The following GRID2 variants were observed in gnomAD, a reference collection of about 807,000 sequenced individuals.
GRID2 encodes the protein glutamate receptor ionotropic, delta-2.
In GRID2, 33 loss-of-function variants were observed where a neutral mutation model predicts 114.8. That is an observed-to-expected ratio of 0.29 (90% confidence interval 0.22 to 0.38). The LOEUF (loss-of-function observed/expected upper bound fraction) is 0.38, where lower values mean the gene tolerates loss of function less well. Ranked by LOEUF, GRID2 falls within the 10% of genes least tolerant of loss-of-function variation. GRID2 has a pLI of 1.00. For missense variants in GRID2, 1,184 were observed against 1,257.7 expected (o/e 0.94, Z 0.89); for synonymous variants, 505 against 449.9 (o/e 1.12, Z -1.55).
At chr4:92,934,055 A>C (rs1188003106) in intron 2 of GRID2, among the ~76,000 whole-genome samples, 1 of 151,796 alleles carries the variant, frequency 6.6e-6, no homozygotes, top group Non-Finnish European at 1.5e-5. Flanking sequence ...CTAAAGAATG[A>C]GTAGATTGTA....
chr4:93,057,895 C>G (rs1489569129), intron 2 of GRID2, among the ~76,000 whole-genome samples: 2 of 151,844 alleles, frequency 1.3e-5, no homozygotes, highest in African/African-American at 4.8e-5. Context: ...TGAGTGTGTT[C>G]AAAGATGATT....
intron 14 of GRID2, among the ~76,000 whole-genome samples, chr4:93,707,049 A>G (rs542317941): frequency 3.3e-5 from 5 of 152,220 alleles, no homozygotes; most frequent in Admixed American, 6.5e-5. Context: ...TCGCCGGAAT[A>G]TATCCCACTT....
intron 1 of GRID2, among the ~76,000 whole-genome samples, chr4:92,363,819 CT>C (rs11342142): frequency 0.079 from 9,833 of 124,012 alleles, 282 homozygotes; most frequent in Middle Eastern, 0.14. Flanking sequence ...ATTAAGTTTA[CT>C]TTTTTTTTTT....
At chr4:92,670,063 T>G (rs1238876864) in intron 2 of GRID2, among the ~76,000 whole-genome samples, 1 of 152,062 alleles carries the variant, frequency 6.6e-6, no homozygotes, top group Admixed American at 6.6e-5. Flanking sequence ...TCATTCTCGC[T>G]ACTGTAAAAT....
chr4:93,692,150 T>G (rs76632623), intron 14 of GRID2, among the ~76,000 whole-genome samples: 6,236 of 152,030 alleles, frequency 0.041, 195 homozygotes, highest in African/African-American at 0.081. Flanking sequence ...ATAGCACATA[T>G]TAAAAAGTGA....
chr4:93,662,022 A>T (rs1435681554), intron 14 of GRID2, among the ~76,000 whole-genome samples: 1 of 151,602 alleles, frequency 6.6e-6, no homozygotes, highest in Non-Finnish European at 1.5e-5. Context: ...ATTCCCCCCA[A>T]CCCTTGCTCA....
intron 13 of GRID2, among the ~76,000 whole-genome samples, chr4:93,531,031 G>C (rs1019492692): frequency 6.6e-6 from 1 of 152,050 alleles, no homozygotes. Context: ...AGTCTTGTCT[G>C]GTATGTTTAT....
chr4:92,345,084 T>C (rs1345139674), intron 1 of GRID2, among the ~76,000 whole-genome samples: 4 of 152,226 alleles, frequency 2.6e-5, no homozygotes, highest in Admixed American at 2.0e-4. Flanking sequence ...ATTATTCTTA[T>C]ACATTTACAA....
In GRID2 at chr4:93,772,598, AG is replaced by A; in HGVS notation, c.*101del. ...AACATGGATGTAACGTTTAAAAAAA[AG>A]ATCAGGATTATTAGTAACAATTCTA... On this transcript the variant is annotated 3_prime_UTR_variant, in exon 16 of 16. Coordinates refer to ENST00000282020, the MANE Select transcript of GRID2 (RefSeq NM_001510.4). 1 of 833,654 alleles carries A rather than the reference AG, an allele frequency of 1.2e-6. No individual in the cohort carries two copies. Among genetic ancestry groups the A allele is most frequent in the Admixed American group, 2.6e-5 (1 of 38,808 alleles). The allele number at this position is 833,654 out of a possible 1,614,324, so 51.6% of individuals were successfully genotyped here.
At position 92,798,211 on chromosome 4, in the gene GRID2, G is replaced by A. The variant is rs1319746423; in HGVS notation, c.244+207925G>A. 5.3e-5 allele frequency among the ~76,000 whole-genome samples: 8 copies of A among 152,072 alleles called. No individual in the cohort carries two copies. In the East Asian group the frequency reaches 1.6e-3, roughly 30 times the overall value. On this transcript the variant is annotated intron_variant, in intron 2 of 15. Coordinates refer to ENST00000282020, the MANE Select transcript of GRID2 (RefSeq NM_001510.4). ...ATTTCAGACACGTTAACATGTATAT[G>A]TGAAAATAAGTCATATTTTGTAAGA...
intron 2 of GRID2, among the ~76,000 whole-genome samples, chr4:92,687,741 A>G (rs990201407): frequency 1.3e-5 from 2 of 152,002 alleles, no homozygotes; most frequent in Admixed American, 1.3e-4. Flanking sequence ...AGGCAGAAGA[A>G]TCACTTGAAC....
intron 2 of GRID2, among the ~76,000 whole-genome samples, chr4:92,854,289 A>C (rs1744026993): frequency 6.6e-6 from 1 of 152,062 alleles, no homozygotes; most frequent in African/African-American, 2.4e-5. Context: ...ATTTAATCCA[A>C]TAGAAGACTT....
Position 92,867,424 on chromosome 4 carries a change from T to C in GRID2, c.245-217571T>C, listed in dbSNP as rs540746789. Among the ~76,000 whole-genome samples, 11 of 151,946 alleles carry C rather than the reference T, an allele frequency of 7.2e-5. No homozygotes were observed. The East Asian group carries it at 1.6e-3, about 22-fold the overall frequency. On this transcript the variant is annotated intron_variant, in intron 2 of 15. Transcript: ENST00000282020. ...GCTCTGCTGCCACATCTAATGGCGA[T>C]ACCACAATTCTAATCAGAGAAGACA...
intron 2 of GRID2, among the ~76,000 whole-genome samples, chr4:92,750,225 C>G (rs376489098): frequency 6.6e-6 from 1 of 152,110 alleles, no homozygotes. Context: ...TCACCACTTC[C>G]CCTTGGGAAC....
At chr4:93,627,959 A>T (rs561523758) in intron 14 of GRID2, among the ~76,000 whole-genome samples, 58 of 152,300 alleles carry the variant, frequency 3.8e-4, no homozygotes, top group Admixed American at 5.9e-4. Context: ...GGATCACTTG[A>T]GGCCAGGAGT....
intron 11 of GRID2, among the ~76,000 whole-genome samples, chr4:93,469,327 A>G (rs995361696): frequency 2.6e-5 from 4 of 152,086 alleles, no homozygotes; most frequent in African/African-American, 9.6e-5. Context: ...ATACATATAT[A>G]TGGTAAAAAA....
intron 13 of GRID2, among the ~76,000 whole-genome samples, chr4:93,613,637 C>G (rs1220295421): frequency 1.8e-4 from 23 of 125,654 alleles, no homozygotes; most frequent in African/African-American, 6.3e-4. Context: ...GGTCAGGGGT[C>G]AGGGACCCAC....
intron 3 of GRID2, among the ~76,000 whole-genome samples, chr4:93,105,197 C>A (rs1469889882): frequency 6.6e-6 from 1 of 151,952 alleles, no homozygotes; most frequent in Non-Finnish European, 1.5e-5. Flanking sequence ...ATTGTAGATT[C>A]TGCATATTAG....
chr4:92,901,593 G>A (rs180748146), intron 2 of GRID2, among the ~76,000 whole-genome samples: 1 of 152,008 alleles, frequency 6.6e-6, no homozygotes, highest in African/African-American at 2.4e-5. Flanking sequence ...TTTTTCCTAG[G>A]TTTTCTTCTA....
Sources: gnomAD v4.1 joint callset for allele counts (sites outside exome capture counted in the v4.1 genomes callset) on GRCh38, gnomAD v4.1.1 for gene constraint, MANE v1.5 for transcripts, NCBI Gene and HGNC (gene_info 2026-07-23, HGNC 2026-07-21) for gene names.